The following ABCC4 variants were observed in gnomAD, a reference collection of about 807,000 sequenced individuals.
ABCC4 encodes ATP binding cassette subfamily C member 4 (PEL blood group).
ABCC4 carries 102 observed loss-of-function variants against 168.5 expected under a neutral mutation model. The ratio of observed to expected loss-of-function variants is 0.61; its 90% confidence interval spans 0.52 to 0.71. The LOEUF (loss-of-function observed/expected upper bound fraction) is 0.71, where lower values mean the gene tolerates loss of function less well. ABCC4 is among the 30% of genes least tolerant of loss of function. The pLI, the probability that ABCC4 is intolerant of heterozygous loss-of-function variation, is 0.00. For missense variants in ABCC4, 1,402 were observed against 1,605.8 expected, an observed-to-expected ratio of 0.87 and a Z score of 2.17; for synonymous variants, 617 against 590.7, an observed-to-expected ratio of 1.04 and a Z score of -0.65.
chr13:95,098,768 T>C (rs1256472664), intron 20 of ABCC4, among the ~76,000 whole-genome samples: 2 of 152,184 alleles, frequency 1.3e-5, no homozygotes, highest in African/African-American at 2.4e-5. Context: ...GACACTTGAA[T>C]GGCCAATTAG....
chr13:95,057,365 G>A (rs945935396), intron 26 of ABCC4, among the ~76,000 whole-genome samples: 4 of 152,090 alleles, frequency 2.6e-5, no homozygotes, highest in South Asian at 2.1e-4. Flanking sequence ...TCGGCCTCCC[G>A]AGCAGCTGGG....
intron 20 of ABCC4, among the ~76,000 whole-genome samples, chr13:95,102,028 A>G (rs1213208746): frequency 2.6e-5 from 4 of 152,262 alleles, no homozygotes; most frequent in Non-Finnish European, 4.4e-5. Context: ...ACAGAGACGT[A>G]GCATGTGGCT....
chr13:95,121,564 G>T (rs367763523), intron 19 of ABCC4, among the ~76,000 whole-genome samples: 4 of 151,580 alleles, frequency 2.6e-5, no homozygotes, highest in African/African-American at 9.7e-5. Flanking sequence ...GCACCACCAT[G>T]CCTGGCTAAT....
chr13:95,026,016 G>A (rs920132288), intron 30 of ABCC4, among the ~76,000 whole-genome samples: 5 of 151,970 alleles, frequency 3.3e-5, no homozygotes, highest in African/African-American at 9.7e-5. Flanking sequence ...CCAGGAGTTC[G>A]AGGCCAGCCT....
intron 19 of ABCC4, among the ~76,000 whole-genome samples, chr13:95,152,158 C>T (rs771012259): frequency 1.3e-5 from 2 of 152,164 alleles, no homozygotes; most frequent in Non-Finnish European, 2.9e-5. Context: ...TCCAAAGAAC[C>T]AATGTACGGT....
chr13:95,093,674 T>C (rs866016552), intron 20 of ABCC4, among the ~76,000 whole-genome samples: 2 of 152,150 alleles, frequency 1.3e-5, no homozygotes, highest in African/African-American at 2.4e-5. Flanking sequence ...TTCAACATAG[T>C]ACTGGAAGTC....
intron 3 of ABCC4, among the ~76,000 whole-genome samples, chr13:95,246,311 G>A (rs1380808465): frequency 2.6e-5 from 4 of 152,204 alleles, no homozygotes; most frequent in Non-Finnish European, 4.4e-5. Context: ...TGGGTGCACA[G>A]TCCTCGGACC....
chr13:95,173,989 A>G (rs942465635), intron 13 of ABCC4, among the ~76,000 whole-genome samples: 2 of 152,188 alleles, frequency 1.3e-5, no homozygotes, highest in African/African-American at 2.4e-5. Flanking sequence ...ACAATTTTCT[A>G]TTGTTTATAT....
intron 20 of ABCC4, among the ~76,000 whole-genome samples, chr13:95,083,980 T>C (rs542639266): frequency 2.2e-4 from 34 of 152,254 alleles, no homozygotes; most frequent in Admixed American, 9.8e-4. Context: ...GCAGGCATCA[T>C]AGACAAGGAA....
chr13:95,079,090 C>T (rs1279745331), intron 21 of ABCC4, among the ~76,000 whole-genome samples: 1 of 152,172 alleles, frequency 6.6e-6, no homozygotes, highest in Non-Finnish European at 1.5e-5. Context: ...AGTCCTTTCT[C>T]TTTCACACCC....
intron 20 of ABCC4, among the ~76,000 whole-genome samples, chr13:95,114,190 C>G (rs992867131): frequency 6.6e-6 from 1 of 152,156 alleles, no homozygotes; most frequent in Non-Finnish European, 1.5e-5. Context: ...CCTTGTCTCT[C>G]TGGTTAAATA....
intron 3 of ABCC4, among the ~76,000 whole-genome samples, chr13:95,245,404 C>A (rs376374425): frequency 4.6e-5 from 7 of 152,356 alleles, no homozygotes; most frequent in African/African-American, 1.7e-4. Context: ...GTTGCACAGC[C>A]AAACTGGGCC....
intron 1 of ABCC4, among the ~76,000 whole-genome samples, chr13:95,288,813 C>T (rs1450232605): frequency 6.6e-6 from 1 of 151,938 alleles, no homozygotes; most frequent in Non-Finnish European, 1.5e-5. Context: ...CCCTCATCAT[C>T]CCATTTACCT....
intron 21 of ABCC4, among the ~76,000 whole-genome samples, chr13:95,079,105 T>G (rs749455975): frequency 1.3e-5 from 2 of 152,090 alleles, no homozygotes; most frequent in Non-Finnish European, 2.9e-5. Context: ...ACACCCCACT[T>G]AGGGCTGAGA....
chr13:95,240,963 T>A (rs1317814557), intron 3 of ABCC4, among the ~76,000 whole-genome samples: 1 of 150,804 alleles, frequency 6.6e-6, no homozygotes, highest in Non-Finnish European at 1.5e-5. Flanking sequence ...AGAGTGAGAC[T>A]CTGGCTCAAA....
intron 19 of ABCC4, among the ~76,000 whole-genome samples, chr13:95,139,366 TAA>T (rs2036242056): frequency 6.6e-6 from 1 of 152,062 alleles, no homozygotes; most frequent in Non-Finnish European, 1.5e-5. Flanking sequence ...GGAAAATAAA[TAA>T]ATACCCAGTG....
intron 29 of ABCC4, among the ~76,000 whole-genome samples, chr13:95,037,509 A>C (rs1277333627): frequency 3.9e-5 from 6 of 152,222 alleles, no homozygotes; most frequent in Non-Finnish European, 8.8e-5. Context: ...TGGAAGTGCA[A>C]ATAAGTTAAA....
chr13:95,264,383 A>T (rs1217958229), intron 1 of ABCC4, among the ~76,000 whole-genome samples: 2 of 152,190 alleles, frequency 1.3e-5, no homozygotes, highest in African/African-American at 4.8e-5. Context: ...TCCCCATAAA[A>T]CACTTACCTA....
intron 19 of ABCC4, among the ~76,000 whole-genome samples, chr13:95,130,075 TAA>T (rs539290300): frequency 1.6e-4 from 21 of 129,340 alleles, no homozygotes; most frequent in Admixed American, 3.9e-4. Context: ...AACTCCATCT[TAA>T]AAAAAAAAAA....
Sources: allele counts gnomAD v4.1 joint callset (sites outside exome capture counted in the v4.1 genomes callset), GRCh38; gene constraint gnomAD v4.1.1; transcripts MANE v1.5; gene names NCBI Gene and HGNC (gene_info 2026-07-23, HGNC 2026-07-21).